Variants in FAM53A observed in about 807,000 individuals in gnomAD.
FAM53A encodes the protein family with sequence similarity 53 member A.
FAM53A carries 28 observed loss-of-function variants against 26.6 expected under a neutral mutation model. The ratio of observed to expected loss-of-function variants is 1.05; its 90% CI spans 0.78 to 1.45. The LOEUF (loss-of-function observed/expected upper bound fraction) is 1.45, where lower values mean the gene tolerates loss of function less well. Among genes scored for constraint, FAM53A ranks in the 40% most tolerant of loss-of-function variants. The pLI is 0.00. For synonymous variants in FAM53A, 290 were observed against 253.1 expected (o/e 1.15, Z -1.38); for missense variants, 650 against 575.8 (o/e 1.13, Z -1.32).
chr4:1,645,234 C>A (rs574609769), intron 4 of FAM53A, among the ~76,000 whole-genome samples: 1 of 152,236 alleles, frequency 6.6e-6, no homozygotes, highest in Non-Finnish European at 1.5e-5. Flanking sequence ...GCCCACAGGG[C>A]GCAGGGATGT....
At chr4:1,609,291 C>T in the FAM53A span, among the ~76,000 whole-genome samples, 2 of 152,142 alleles carry the variant, frequency 1.3e-5, no homozygotes, top group Admixed American at 1.3e-4. Context: ...CCTCGGGCCT[C>T]CTTCCAGCCC....
rs1172203684 is a variant in FAM53A at position 1,651,225 on chromosome 4, A to G, written c.882+3753T>C. 4.0e-3 allele frequency among the ~76,000 whole-genome samples: 562 copies of G among 141,952 alleles called. 5 individuals carry two copies. Among genetic ancestry groups the G allele is most frequent in the African/African-American group, 0.014 (528 of 38,284 alleles). The allele number at this position is 141,952 out of a possible 152,430, so 93.1% of individuals were successfully genotyped here. A position where few individuals can be genotyped will look rare whatever the true frequency, so the allele number is the denominator to read the frequency against. The stretch of plus-strand genomic sequence containing the variant: ...GGGACAGAGCGAGACTCCATCTCGA[A>G]AAAAAAAAAAAAAAATTAAGAGAGG... On this transcript the variant is annotated intron_variant, in intron 4 of 4. Coordinates refer to ENST00000308132, the MANE Select transcript of FAM53A (RefSeq NM_001174070.3).
At chr4:1,671,424 G>C (rs112854111) in intron 1 of FAM53A, among the ~76,000 whole-genome samples, 26 of 35,826 alleles carry the variant, frequency 7.3e-4, no homozygotes, top group East Asian at 2.9e-3. Flanking sequence ...CTCTGTCCCA[G>C]CGTCAGAGCC....
At chr4:1,617,357 G>A (rs771407117), downstream of FAM53A, among the ~76,000 whole-genome samples, 1 of 152,086 alleles carries the variant, frequency 6.6e-6, no homozygotes, top group Non-Finnish European at 1.5e-5. Context: ...GCTGTTCTAG[G>A]TTATTACTTA....
intron 1 of FAM53A, among the ~76,000 whole-genome samples, chr4:1,623,266 A>C (rs1307497132): frequency 6.6e-6 from 1 of 152,172 alleles, no homozygotes; most frequent in Non-Finnish European, 1.5e-5. Flanking sequence ...AGCTCCCCCG[A>C]CGTGAAAGGC....
At chr4:1,652,233 C>T (rs1012435351) in intron 4 of FAM53A, among the ~76,000 whole-genome samples, 1 of 137,948 alleles carries the variant, frequency 7.2e-6, no homozygotes. Flanking sequence ...ACACACTAGT[C>T]GCACACACAC....
At chr4:1,636,887 G>GGC (rs1009673447), downstream of FAM53A, among the ~76,000 whole-genome samples, 1 of 148,772 alleles carries the variant, frequency 6.7e-6, no homozygotes, top group Non-Finnish European at 1.5e-5. Context: ...CTCTTGCTGG[G>GGC]GGGGGGTCCC....
intron 1 of FAM53A, among the ~76,000 whole-genome samples, chr4:1,626,780 G>A (rs1193109877): frequency 6.6e-6 from 1 of 152,226 alleles, no homozygotes; most frequent in Non-Finnish European, 1.5e-5. Context: ...CCTGAGCCCA[G>A]AGACTCAGCC....
chr4:1,661,116 C>T lies in FAM53A; in HGVS notation c.76-3648G>A, dbSNP rs116516649. On this transcript the variant is annotated intron_variant, in intron 2 of 4. Coordinates refer to ENST00000308132, the MANE Select transcript of FAM53A (RefSeq NM_001174070.3). ...TTCTCAGCTCTCCCTGCTCTCCGCC[C>T]CTCAGCCCGGGAACTGCTGCTCTGG... 7.4e-3 allele frequency among the ~76,000 whole-genome samples: 1,125 copies of T among 152,178 alleles called. 21 individuals are homozygous for T. The highest frequency in any genetic ancestry group is 0.025 in the African/African-American group (1,039 of 41,506).
Position 1,640,314 on chromosome 4 carries a change from A to C in FAM53A, c.*979T>G. ...TTCATGGGCACAGATGCCCATGCGC[A>C]AGCCCCAAGCACCGTGACCCGTCGG... On this transcript the variant is annotated 3_prime_UTR_variant, in exon 5 of 5. Coordinates refer to ENST00000308132, the MANE Select transcript of FAM53A (RefSeq NM_001174070.3). The C allele has an allele frequency of 4.9e-6, 1 of 204,814 alleles. No homozygotes were observed. Among genetic ancestry groups the C allele is most frequent in the Non-Finnish European group, 9.6e-6 (1 of 103,802 alleles). 12.7% of individuals were successfully genotyped at this position (204,814 alleles called of 1,614,324 possible). A position where few individuals can be genotyped will look rare whatever the true frequency, so the allele number is the denominator to read the frequency against.
In FAM53A at chr4:1,655,635, C is replaced by G. The variant is rs186176746; in HGVS notation, c.225G>C (p.Leu75=). The G allele has an allele frequency of 5.1e-4, 812 of 1,593,460 alleles. 4 individuals are homozygous for G. The African/African-American group carries it at 9.4e-3, about 19-fold the overall frequency. The part of the protein sequence containing the change: ...TGPDFSFLPG[L]SAAAHTMGLQ... The stretch of plus-strand genomic sequence containing the variant: ...GACCCATGGTGTGAGCGGCAGCAGA[C>G]AGGCCCGGCAGGAAGGAGAAATCAG... Residue 75 remains leucine, a synonymous_variant, in exon 4 of 5, where the codon CTG becomes CTC. Transcript: ENST00000308132.
chr4:1,681,715 C>G (rs535743607), intron 1 of FAM53A, among the ~76,000 whole-genome samples: 1 of 151,860 alleles, frequency 6.6e-6, no homozygotes, highest in East Asian at 1.9e-4. Context: ...GTTGCCCAGG[C>G]TGGTCTCCAA....
At chr4:1,656,174 C>T (rs1713367813) in intron 3 of FAM53A, among the ~76,000 whole-genome samples, 1 of 152,230 alleles carries the variant, frequency 6.6e-6, no homozygotes, top group Non-Finnish European at 1.5e-5. Context: ...CACAGGGTCA[C>T]ACCTGCTGCC....
In FAM53A at chr4:1,682,410, G is replaced by A. The variant is rs534645027; in HGVS notation, c.-165+1823C>T. On this transcript the variant is annotated intron_variant, in intron 1 of 4. Coordinates refer to ENST00000308132, the MANE Select transcript of FAM53A (RefSeq NM_001174070.3). ...CCCGAGTAGCTGGGATTACAGGCAC[G>A]CACCACCACACCCAGTTAATTTTTC... Among the ~76,000 whole-genome samples, 277 of 151,770 alleles carry A rather than the reference G, an allele frequency of 1.8e-3. 2 individuals carry two copies. The highest frequency in any genetic ancestry group is 6.4e-3 in the African/African-American group (265 of 41,382).
the FAM53A span, among the ~76,000 whole-genome samples, chr4:1,591,378 G>A: frequency 6.6e-6 from 1 of 152,058 alleles, no homozygotes; most frequent in Non-Finnish European, 1.5e-5. Context: ...TGCACTCCGG[G>A]ACCTGTGATG....
chr4:1,600,689 C>T, the FAM53A span, among the ~76,000 whole-genome samples: 1 of 152,174 alleles, frequency 6.6e-6, no homozygotes, highest in African/African-American at 2.4e-5. Context: ...CAGGATCTTG[C>T]TTTGTCGTCC....
intron 1 of FAM53A, among the ~76,000 whole-genome samples, chr4:1,680,059 AC>A (rs1454325873): frequency 7.2e-6 from 1 of 139,798 alleles, no homozygotes; most frequent in Non-Finnish European, 1.5e-5. Context: ...GGTGGCTCAC[AC>A]CTGTAATCCC....
upstream of FAM53A, among the ~76,000 whole-genome samples, chr4:1,684,863 G>A (rs1042217542): frequency 2.0e-5 from 3 of 152,242 alleles, no homozygotes; most frequent in Non-Finnish European, 4.4e-5. Flanking sequence ...GGACCGTGCT[G>A]CAGGGCTCCT....
the FAM53A span, among the ~76,000 whole-genome samples, chr4:1,590,252 C>A: frequency 6.6e-6 from 1 of 152,034 alleles, no homozygotes; most frequent in Non-Finnish European, 1.5e-5. Context: ...TATGCCAATT[C>A]TTTGAAATTT....
Sources: gnomAD v4.1 joint callset for allele counts (sites outside exome capture counted in the v4.1 genomes callset) on GRCh38, gnomAD v4.1.1 for gene constraint, MANE v1.5 for transcripts, NCBI Gene and HGNC (gene_info 2026-07-23, HGNC 2026-07-21) for gene names.